The following ASCC2 variants were observed in gnomAD, a reference collection of about 807,000 sequenced individuals.
ASCC2 encodes activating signal cointegrator 1 complex subunit 2.
ASCC2 carries 42 observed loss-of-function variants against 93.5 expected under a neutral mutation model. That is an observed-to-expected ratio of 0.45 (90% CI 0.35 to 0.58). ASCC2 has a LOEUF of 0.58. Ranked by LOEUF, ASCC2 falls within the 20% of genes least tolerant of loss-of-function variation. The pLI, the probability that ASCC2 is intolerant of heterozygous loss-of-function variation, is 0.00. For synonymous variants in ASCC2, 364 were observed against 384.2 expected (o/e 0.95, Z 0.62); for missense variants, 859 against 977.6 (o/e 0.88, Z 1.62).
chr22:29,799,110 TTACAA>T (rs2058779121), intron 15 of ASCC2: 1 of 152,254 alleles, frequency 6.6e-6, no homozygotes, highest in African/African-American at 2.4e-5. Flanking sequence ...AGATGAGACT[TTACAA>T]TACCATGGGC....
intron 2 of ASCC2, among the ~76,000 whole-genome samples, chr22:29,831,100 CCA>C (rs2063089797): frequency 6.6e-6 from 1 of 152,230 alleles, no homozygotes; most frequent in African/African-American, 2.4e-5. Flanking sequence ...GTTCCTCAGT[CCA>C]CACTCACTAT....
At chr22:29,831,058 T>C (rs1200302623) in intron 2 of ASCC2, among the ~76,000 whole-genome samples, 1 of 152,232 alleles carries the variant, frequency 6.6e-6, no homozygotes, top group Non-Finnish European at 1.5e-5. Flanking sequence ...GCTATTTTAA[T>C]TTAAAAGCAT....
At chr22:29,799,521 C>T (rs945666626) in intron 15 of ASCC2, among the ~76,000 whole-genome samples, 5 of 152,202 alleles carry the variant, frequency 3.3e-5, no homozygotes, top group Non-Finnish European at 7.3e-5. Context: ...GAAGAAGCAG[C>T]TGGCATTTCC....
intron 17 of ASCC2, 68 bp downstream of exon 17, chr22:29,793,292 T>G: frequency 6.3e-7 from 1 of 1,595,836 alleles, no homozygotes; most frequent in Non-Finnish European, 8.5e-7. Context: ...TGTAAACAAG[T>G]GGGTGAGGGA....
rs375464148 is a variant in ASCC2, at chr22:29,793,406, C to G, written c.1873G>C (p.Val625Leu). 1.2e-6 allele frequency: 2 copies of G among 1,613,914 alleles called. No homozygotes were observed. Among genetic ancestry groups the G allele is most frequent in the Non-Finnish European group, 1.7e-6 (2 of 1,180,036 alleles). Reference protein sequence around the residue: ...EYDDTYDGNQVGANDADSDDE... With the variant: ...EYDDTYDGNQLGANDADSDDE... ...TCAGAGTCTGCATCATTGGCGCCCA[C>G]CTGGTTGCCATCGTATGTGTCATCG... is the stretch of plus-strand genomic sequence containing the variant. Residue 625 changes from valine (V) to leucine (L), a missense_variant, in exon 17 of 20, where the codon GTG (valine) becomes CTG (leucine). Physicochemically the swap from Val to Leu is conservative, Grantham distance 32 (BLOSUM62 1). Transcript: ENST00000307790.
rs191194236 is a variant in ASCC2, at chr22:29,825,827, G to C, written c.82-47C>G. 1.3e-6 allele frequency: 2 copies of C among 1,563,380 alleles called. No individual in the cohort carries two copies. The highest frequency in any genetic ancestry group is 8.7e-7 in the Non-Finnish European group (1 of 1,152,596). ...GTTAACGTGGCAGAGGTTAGTCAGC[G>C]AGGGCCCATTTGCCAACCCACAGCA... On this transcript the variant is annotated intron_variant, in intron 2 of 19. Transcript: ENST00000307790. The surrounding 1 kb of genome is among the most constrained non-coding windows in gnomAD (Gnocchi z 4.9).
intron 15 of ASCC2, 134 bp from the exon 16 acceptor site, chr22:29,793,810 T>C: frequency 1.1e-6 from 1 of 873,526 alleles, no homozygotes; most frequent in South Asian, 1.6e-5. Context: ...AAATCAAGCA[T>C]TGGTGAGGGC....
chr22:29,812,803 TCCATGTTGGAG>T (rs1178608933), intron 8 of ASCC2, among the ~76,000 whole-genome samples: 2 of 152,008 alleles, frequency 1.3e-5, no homozygotes, highest in Non-Finnish European at 2.9e-5. Flanking sequence ...ATCTCACAGC[TCCATGTTGGAG>T]CACTCCTGTT....
rs1427426975 is a variant in ASCC2 at position 29,838,217 on chromosome 22, C to T, written c.-57G>A. The T allele has an allele frequency of 2.1e-6, 1 of 467,228 alleles. No homozygotes were observed. The highest frequency in any genetic ancestry group is 1.5e-5 in the South Asian group (1 of 65,376). The allele number at this position is 467,228 out of a possible 1,614,324, so 28.9% of individuals were successfully genotyped here. A position where few individuals can be genotyped will look rare whatever the true frequency, so the allele number is the denominator to read the frequency against. ...CACCGGCTCTGTGCCGCCGCCGCCGCCGCCGCCGCCGACCACGGTGACAGC... is the reference window on the plus strand; with the variant it reads ...CACCGGCTCTGTGCCGCCGCCGCCGTCGCCGCCGCCGACCACGGTGACAGC... On this transcript the variant is annotated 5_prime_UTR_variant, in exon 1 of 20. Coordinates refer to ENST00000307790, the MANE Select transcript of ASCC2 (RefSeq NM_032204.5).
chr22:29,821,302 C>T (rs1165094367), intron 5 of ASCC2, among the ~76,000 whole-genome samples: 1 of 152,226 alleles, frequency 6.6e-6, no homozygotes, highest in Non-Finnish European at 1.5e-5. Context: ...CCTCTCTGAA[C>T]TCTGTCCCTA....
intron 1 of ASCC2, among the ~76,000 whole-genome samples, chr22:29,837,619 C>G (rs7287777): frequency 0.13 from 19,214 of 152,128 alleles, 1,972 homozygotes; most frequent in African/African-American, 0.29. Flanking sequence ...GGGAGCATCC[C>G]CGGGGCTACT....
At chr22:29,807,924 C>T (rs1412782568) in intron 9 of ASCC2, among the ~76,000 whole-genome samples, 187 bp downstream of exon 9, 2 of 150,052 alleles carry the variant, frequency 1.3e-5, no homozygotes, top group African/African-American at 2.5e-5. Context: ...ACAACAACAA[C>T]AACAAAAAAA....
Position 29,822,315 on chromosome 22 carries a change from C to G in ASCC2, c.541+20G>C. On this transcript the variant is annotated intron_variant, in intron 5 of 19. Transcript: ENST00000307790. ...TGGGGGCCATCTTGGTGCATCCTCC[C>G]AGTCCTGCATCCTACACACCTATCA... 6.2e-7 allele frequency: 1 copy of G among 1,613,330 alleles called. No homozygotes were observed. Among genetic ancestry groups the G allele is most frequent in the Non-Finnish European group, 8.5e-7 (1 of 1,179,522 alleles).
intron 9 of ASCC2, 104 bp downstream of exon 9, chr22:29,808,007 A>C (rs184636668): frequency 6.1e-6 from 7 of 1,156,870 alleles, no homozygotes; most frequent in South Asian, 5.2e-5. Context: ...CCCTGGTCCC[A>C]CCCACTTGTC....
At chr22:29,834,724 A>T (rs2063564797) in intron 1 of ASCC2, among the ~76,000 whole-genome samples, 1 of 152,194 alleles carries the variant, frequency 6.6e-6, no homozygotes, top group African/African-American at 2.4e-5. Flanking sequence ...CCATGTTCAG[A>T]TGTCCAAAGA....
intron 15 of ASCC2, among the ~76,000 whole-genome samples, chr22:29,794,365 G>A (rs1159715311): frequency 2.0e-5 from 3 of 151,518 alleles, no homozygotes; most frequent in African/African-American, 7.2e-5. Context: ...AGTGGCGGGT[G>A]CCTGTAATCC....
chr22:29,824,936 C>T (rs112626077), intron 4 of ASCC2, 151 bp downstream of exon 4: 41,699 of 780,130 alleles, frequency 0.053, 1,333 homozygotes, highest in South Asian at 0.098. Context: ...AGGGACGTGG[C>T]ACAGATTTCT....
intron 5 of ASCC2, among the ~76,000 whole-genome samples, chr22:29,818,417 CA>C (rs2061147990): frequency 3.8e-5 from 1 of 26,484 alleles, no homozygotes; most frequent in Non-Finnish European, 9.3e-5. Flanking sequence ...CACACACACA[CA>C]CACACACACA....
At chr22:29,789,791 A>G (rs2068709186) in intron 19 of ASCC2, among the ~76,000 whole-genome samples, 1 of 152,190 alleles carries the variant, frequency 6.6e-6, no homozygotes, top group Non-Finnish European at 1.5e-5. Context: ...CCCAGCAGAC[A>G]GTGCTGCATG....
Sources: gnomAD v4.1 joint callset for allele counts (sites outside exome capture counted in the v4.1 genomes callset) on GRCh38, gnomAD v4.1.1 for gene constraint, Gnocchi (gnomAD v3.1) non-coding constraint, MANE v1.5 for transcripts, NCBI Gene and HGNC (gene_info 2026-07-23, HGNC 2026-07-21) for gene names.